KAZN: variants seen among roughly 807,000 people sequenced by gnomAD.
KAZN encodes the protein kazrin.
Under a neutral mutation model 87.4 loss-of-function variants are expected in KAZN, and 40 were observed. The observed-to-expected ratio is 0.46, with a 90% confidence interval of 0.36 to 0.60. The LOEUF is 0.60. Ranked by LOEUF, KAZN falls within the 20% of genes least tolerant of loss-of-function variation. KAZN has a pLI of 0.00. For missense variants in KAZN, 898 were observed against 1,073.9 expected, an observed-to-expected ratio of 0.84 and a Z score of 2.29; for synonymous variants, 466 against 458.3, an observed-to-expected ratio of 1.02 and a Z score of -0.22.
intron 1 of KAZN, among the ~76,000 whole-genome samples, chr1:13,945,679 T>TTGTGTG (rs60728794): frequency 0.059 from 7,249 of 123,104 alleles, 278 homozygotes; most frequent in African/African-American, 0.097. Context: ...TGCTCTCAGT[T>TTGTGTG]TGTGTGTGTG....
chr1:14,990,325 C>G (rs969081918), intron 2 of KAZN, among the ~76,000 whole-genome samples: 32 of 152,168 alleles, frequency 2.1e-4, no homozygotes, highest in Non-Finnish European at 3.8e-4. Flanking sequence ...CAGGCTCAAG[C>G]AGTTCTCCCA....
intron 2 of KAZN, among the ~76,000 whole-genome samples, chr1:14,306,360 G>A (rs772830237): frequency 6.6e-6 from 1 of 152,134 alleles, no homozygotes; most frequent in Non-Finnish European, 1.5e-5. Flanking sequence ...AATGCAATTG[G>A]CCATTGCTTT....
intron 2 of KAZN, among the ~76,000 whole-genome samples, chr1:14,248,052 C>CT (rs1414567822): frequency 6.6e-6 from 1 of 152,132 alleles, no homozygotes; most frequent in Non-Finnish European, 1.5e-5. Flanking sequence ...CTTCCCAGGT[C>CT]TAAAAGCATC....
chr1:14,646,534 C>T (rs76751311), intron 1 of KAZN, among the ~76,000 whole-genome samples: 9,643 of 152,216 alleles, frequency 0.063, 1,018 homozygotes, highest in African/African-American at 0.22. Context: ...CTTTGTTGGG[C>T]TATGGCAGGG....
In KAZN at chr1:15,114,721, A is replaced by G. The variant is rs1641781666; in HGVS notation, c.*86A>G. ...GCCCCAGGTGTCGTTCTCACTGTACATAGCGGCCGCAGGCTGAGGATGTCC... is the reference window on the plus strand; with the variant it reads ...GCCCCAGGTGTCGTTCTCACTGTACGTAGCGGCCGCAGGCTGAGGATGTCC... On this transcript the variant is annotated 3_prime_UTR_variant, in exon 15 of 15. Transcript: ENST00000376030. The G allele has an allele frequency of 5.9e-6, 8 of 1,352,394 alleles. No homozygotes were observed. The highest frequency in any genetic ancestry group is 1.4e-5 in the South Asian group (1 of 69,178). The allele number at this position is 1,352,394 out of a possible 1,614,324, so 83.8% of individuals were successfully genotyped here. A position where few individuals can be genotyped will look rare whatever the true frequency, so the allele number is the denominator to read the frequency against.
intron 1 of KAZN, among the ~76,000 whole-genome samples, chr1:14,827,398 C>T (rs1188868708): frequency 6.6e-6 from 1 of 152,152 alleles, no homozygotes; most frequent in African/African-American, 2.4e-5. Flanking sequence ...GCCTTTTATC[C>T]CTCACCTGCT....
intron 1 of KAZN, among the ~76,000 whole-genome samples, chr1:14,174,182 C>T (rs879605395): frequency 2.0e-5 from 3 of 151,966 alleles, no homozygotes; most frequent in East Asian, 1.9e-4. Flanking sequence ...TGGGGGCTGG[C>T]GAAAAGGTGG....
At chr1:14,317,846 G>C (rs372729898) in intron 2 of KAZN, among the ~76,000 whole-genome samples, 3 of 151,916 alleles carry the variant, frequency 2.0e-5, no homozygotes, top group East Asian at 3.9e-4. Flanking sequence ...TAAAGTCACA[G>C]TTTCCAAGAA....
chr1:14,100,150 G>A (rs1644217292), intron 1 of KAZN, among the ~76,000 whole-genome samples: 1 of 152,172 alleles, frequency 6.6e-6, no homozygotes, highest in African/African-American at 2.4e-5. Flanking sequence ...CCAGGATATG[G>A]CACTGTTGTT....
intron 2 of KAZN, among the ~76,000 whole-genome samples, chr1:14,212,613 T>C (rs1646876735): frequency 6.6e-6 from 1 of 152,096 alleles, no homozygotes; most frequent in African/African-American, 2.4e-5. Context: ...TTTTGCAATA[T>C]CCCAGCTGCC....
At chr1:14,191,389 G>A (rs537987533) in intron 2 of KAZN, among the ~76,000 whole-genome samples, 35 of 152,236 alleles carry the variant, frequency 2.3e-4, no homozygotes, top group Admixed American at 1.4e-3. Flanking sequence ...TCTAGGATGA[G>A]CCTCAGATTA....
At chr1:14,815,572 G>A (rs1379092921) in intron 1 of KAZN, among the ~76,000 whole-genome samples, 1 of 152,188 alleles carries the variant, frequency 6.6e-6, no homozygotes, top group Non-Finnish European at 1.5e-5. Flanking sequence ...TGCATGTGGG[G>A]AGGAAGCAAC....
chr1:14,502,504 T>C (rs1670313211), intron 2 of KAZN, among the ~76,000 whole-genome samples: 2 of 152,022 alleles, frequency 1.3e-5, no homozygotes, highest in Admixed American at 1.3e-4. Flanking sequence ...GAGTAGGGGG[T>C]AGAGAAACCA....
intron 1 of KAZN, among the ~76,000 whole-genome samples, chr1:14,012,630 C>A (rs890247938): frequency 6.6e-6 from 1 of 152,142 alleles, no homozygotes. Flanking sequence ...CATGGCGAAA[C>A]TTCATCTCTA....
At chr1:14,659,361 TG>T (rs1340986164) in intron 1 of KAZN, among the ~76,000 whole-genome samples, 9 of 152,174 alleles carry the variant, frequency 5.9e-5, no homozygotes, top group Non-Finnish European at 1.0e-4. Flanking sequence ...GGCGAGGAGA[TG>T]GCCTTTTAAC....
At chr1:14,465,577 C>G (rs781596594) in intron 2 of KAZN, among the ~76,000 whole-genome samples, 5 of 151,974 alleles carry the variant, frequency 3.3e-5, no homozygotes, top group Non-Finnish European at 7.4e-5. Flanking sequence ...CCAGGGGACC[C>G]AGGCCCAAAT....
In KAZN at chr1:14,923,934, C is replaced by T. The variant is rs937700021; in HGVS notation, c.227-36750C>T. On this transcript the variant is annotated intron_variant, in intron 1 of 14. Coordinates refer to ENST00000376030, the MANE Select transcript of KAZN (RefSeq NM_201628.3). This position sits in a 1 kb window ranked among gnomAD's most constrained non-coding sequence, Gnocchi z 4.2. ...TGACATCGGCCGTCTTTCTGACCCT[C>T]CGTGTCCCCGGGAATGACCGCGTCG... Among the ~76,000 whole-genome samples, 1 of 152,180 alleles carries T rather than the reference C, an allele frequency of 6.6e-6. No individual in the cohort carries two copies. The highest frequency in any genetic ancestry group is 1.9e-4 in the East Asian group (1 of 5,156).
intron 8 of KAZN, among the ~76,000 whole-genome samples, chr1:15,092,060 GTTTTTTTTTTTGA>G (rs1640562940): frequency 8.7e-6 from 1 of 114,438 alleles, no homozygotes; most frequent in African/African-American, 3.3e-5. Context: ...TTGTTTTTTT[GTTTTTTTTTTTGA>G]TTTTTTTTTT....
chr1:14,459,843 G>T (rs760337556), intron 2 of KAZN, among the ~76,000 whole-genome samples: 1 of 152,136 alleles, frequency 6.6e-6, no homozygotes, highest in Non-Finnish European at 1.5e-5. Flanking sequence ...GGAAAGAAAG[G>T]CAAGATTTTG....
Sources: gnomAD v4.1 joint callset for allele counts (sites outside exome capture counted in the v4.1 genomes callset) on GRCh38, gnomAD v4.1.1 for gene constraint, Gnocchi (gnomAD v3.1) non-coding constraint, MANE v1.5 for transcripts, NCBI Gene and HGNC (gene_info 2026-07-23, HGNC 2026-07-21) for gene names.